Variants in KCNJ15 observed in about 807,000 individuals in gnomAD.
KCNJ15 encodes potassium inwardly rectifying channel subfamily J member 15.
A neutral mutation model predicts 23.0 loss-of-function variants in KCNJ15; 14 were observed. The observed-to-expected ratio is 0.61, with a 90% CI of 0.40 to 0.95. The LOEUF (loss-of-function observed/expected upper bound fraction) is 0.95, where lower values mean the gene tolerates loss of function less well. Among genes scored for constraint, KCNJ15 ranks in the 40% least tolerant of loss-of-function variants. The pLI is 0.00. For synonymous variants in KCNJ15, 185 were observed against 183.2 expected (o/e 1.01, Z -0.08); for missense variants, 388 against 461.8 (o/e 0.84, Z 1.46).
At chr21:38,255,250 G>A (rs971648778), upstream of KCNJ15, among the ~76,000 whole-genome samples, 2 of 152,176 alleles carry the variant, frequency 1.3e-5, no homozygotes, top group African/African-American at 4.8e-5. Flanking sequence ...AAGGCCAGAG[G>A]GGACCATTCC....
chr21:38,285,846 A>G lies in KCNJ15; in HGVS notation c.-116-11080A>G, dbSNP rs565973295. On this transcript the variant is annotated intron_variant, in intron 1 of 2. Transcript: ENST00000398938. Reference sequence around the variant, plus strand: ...ATTTATGAAAGGGAGTATTGTCTCAATTAGTACTCTAGATGAGTAAGCTTT... The same window carrying G: ...ATTTATGAAAGGGAGTATTGTCTCAGTTAGTACTCTAGATGAGTAAGCTTT... Among the ~76,000 whole-genome samples the G allele has an allele frequency of 3.3e-5, 5 of 152,332 alleles. No individual in the cohort carries two copies. In the Middle Eastern group the frequency reaches 0.01, roughly 311 times the overall value.
At chr21:38,263,221 G>A (rs541981910) in intron 1 of KCNJ15, among the ~76,000 whole-genome samples, 2 of 152,234 alleles carry the variant, frequency 1.3e-5, no homozygotes, top group South Asian at 4.1e-4. Context: ...AACTGGGGGA[G>A]AACTCTCAGA....
At chr21:38,288,261 T>A (rs1430312357) in intron 1 of KCNJ15, among the ~76,000 whole-genome samples, 3 of 151,882 alleles carry the variant, frequency 2.0e-5, no homozygotes, top group African/African-American at 7.3e-5. Flanking sequence ...CAGGATGGTC[T>A]CGATCTCCTG....
rs1284780731 is a variant in KCNJ15, at chr21:38,300,557, C to T, written c.*168C>T. The T allele has an allele frequency of 3.3e-6, 2 of 605,424 alleles. No homozygotes were observed. The highest frequency in any genetic ancestry group is 3.7e-5 in the African/African-American group (2 of 53,516). The allele number at this position is 605,424 out of a possible 1,614,324, so 37.5% of individuals were successfully genotyped here. A position where few individuals can be genotyped will look rare whatever the true frequency, so the allele number is the denominator to read the frequency against. On this transcript the variant is annotated 3_prime_UTR_variant, in exon 3 of 3. Transcript: ENST00000398938. The stretch of plus-strand genomic sequence containing the variant: ...TGATCTTGTGGCTAAACCAGCATTT[C>T]TGTGTTTGAGAGATTTCCTGTTAGG...
intron 1 of KCNJ15, among the ~76,000 whole-genome samples, chr21:38,293,418 C>A (rs1022828103): frequency 6.6e-6 from 1 of 152,166 alleles, no homozygotes; most frequent in Non-Finnish European, 1.5e-5. Context: ...CCGCTACGCC[C>A]GGGCAGGGAA....
chr21:38,293,410 G>A (rs563654853), intron 1 of KCNJ15, among the ~76,000 whole-genome samples: 8 of 152,230 alleles, frequency 5.3e-5, no homozygotes, highest in Admixed American at 1.3e-4. Context: ...CCCCACCCCC[G>A]CTACGCCCGG....
In KCNJ15 at chr21:38,304,912, CT is replaced by C. The variant is rs1279732527; in HGVS notation, c.*4524del. 6.6e-6 allele frequency: 1 copy of C among 150,900 alleles called. No individual in the cohort carries two copies. Among genetic ancestry groups the C allele is most frequent in the Non-Finnish European group, 1.5e-5 (1 of 68,056 alleles). The allele number at this position is 150,900 out of a possible 1,614,324, so 9.3% of individuals were successfully genotyped here. On this transcript the variant is annotated 3_prime_UTR_variant, in exon 3 of 3. Transcript: ENST00000398938. ...ACCAGGATGGTCTCGATCTCATGAC[CT>C]CGTGATCTGCCCGCCTACAAGCCAG...
In KCNJ15 at chr21:38,304,483, C is replaced by T. The variant is rs987210950; in HGVS notation, c.*4094C>T. The T allele has an allele frequency of 6.6e-6, 1 of 151,358 alleles. No homozygotes were observed. The highest frequency in any genetic ancestry group is 2.4e-5 in the African/African-American group (1 of 41,126). 9.4% of individuals were successfully genotyped at this position (151,358 alleles called of 1,614,324 possible). On this transcript the variant is annotated 3_prime_UTR_variant, in exon 3 of 3. Transcript: ENST00000398938. ...TACTAACATTTCCAGTCTTGATTTC[C>T]AAGTTTTGTGGTGTGCACTCGAAAT...
At chr21:38,278,227 C>T (rs1173164355) in intron 1 of KCNJ15, among the ~76,000 whole-genome samples, 3 of 152,202 alleles carry the variant, frequency 2.0e-5, no homozygotes, top group African/African-American at 7.2e-5. Context: ...CCTGCTAGAA[C>T]CTAGGCATTG....
intron 1 of KCNJ15, among the ~76,000 whole-genome samples, chr21:38,270,205 G>C (rs1200425176): frequency 2.0e-5 from 3 of 152,086 alleles, no homozygotes; most frequent in Admixed American, 6.5e-5. Flanking sequence ...AAAACCTAGT[G>C]TGTCTCTTTG....
chr21:38,289,427 T>A (rs1464987239), intron 1 of KCNJ15, among the ~76,000 whole-genome samples: 1 of 151,862 alleles, frequency 6.6e-6, no homozygotes, highest in African/African-American at 2.4e-5. Context: ...GTTGAAGAAA[T>A]CTCTTTCCTA....
upstream of KCNJ15, among the ~76,000 whole-genome samples, chr21:38,256,068 T>A (rs1183314627): frequency 2.6e-5 from 4 of 152,118 alleles, no homozygotes; most frequent in African/African-American, 9.7e-5. Flanking sequence ...CCATGCAGTC[T>A]GGCCGTGAGA....
intron 1 of KCNJ15, among the ~76,000 whole-genome samples, chr21:38,271,047 A>AG (rs35901322): frequency 3.9e-5 from 6 of 152,256 alleles, no homozygotes; most frequent in African/African-American, 1.4e-4. Flanking sequence ...GGGGAGCCCC[A>AG]GGCCAGCAGG....
At chr21:38,248,984 G>A (rs950361968) in intron 1 of KCNJ15, among the ~76,000 whole-genome samples, 4 of 152,228 alleles carry the variant, frequency 2.6e-5, no homozygotes, top group East Asian at 1.9e-4. Flanking sequence ...AAGTCAATCC[G>A]CTTGCCTCAG....
At chr21:38,273,708 C>G (rs1982337132) in intron 1 of KCNJ15, among the ~76,000 whole-genome samples, 1 of 152,226 alleles carries the variant, frequency 6.6e-6, no homozygotes, top group South Asian at 2.1e-4. Flanking sequence ...AGTAGCTCTG[C>G]AGCTGCATTT....
rs1440690327 is a variant in KCNJ15, at chr21:38,300,481, G to A, written c.*92G>A. 10 of 1,112,186 alleles carry A rather than the reference G, an allele frequency of 9.0e-6. No individual in the cohort carries two copies. Among genetic ancestry groups the A allele is most frequent in the Non-Finnish European group, 1.3e-5 (10 of 774,940 alleles). The allele number at this position is 1,112,186 out of a possible 1,614,324, so 68.9% of individuals were successfully genotyped here. A position where few individuals can be genotyped will look rare whatever the true frequency, so the allele number is the denominator to read the frequency against. On this transcript the variant is annotated 3_prime_UTR_variant, in exon 3 of 3. Coordinates refer to ENST00000398938, the MANE Select transcript of KCNJ15 (RefSeq NM_170736.3). ...AAGATTGCTGTGAAAACGAAAATGTGTAGACGCACTCTCAAAAACTGCACG... is the reference window on the plus strand; with the variant it reads ...AAGATTGCTGTGAAAACGAAAATGTATAGACGCACTCTCAAAAACTGCACG...
In KCNJ15 at chr21:38,265,653, G is replaced by A. The variant is rs559974032; in HGVS notation, c.-117+8468G>A. ...GAGGCTGGGTGGTCCGTCTTATGTC[G>A]ATTTAGAAGATATAAGTGACATCAA... is the stretch of plus-strand genomic sequence containing the variant. On this transcript the variant is annotated intron_variant, in intron 1 of 2. Transcript: ENST00000398938. Among the ~76,000 whole-genome samples the A allele has an allele frequency of 2.6e-5, 4 of 152,308 alleles. No homozygotes were observed. The South Asian group carries it at 8.3e-4, about 32-fold the overall frequency.
chr21:38,254,495 G>A (rs549844706), upstream of KCNJ15, among the ~76,000 whole-genome samples: 1 of 152,246 alleles, frequency 6.6e-6, no homozygotes, highest in Non-Finnish European at 1.5e-5. Flanking sequence ...ATGAGTATCT[G>A]CTCCACTGTG....
Position 38,299,690 on chromosome 21 carries a change from CT to C in KCNJ15, c.431del (p.Phe144SerfsTer12). 6.2e-7 allele frequency: 1 copy of C among 1,614,148 alleles called. No individual in the cohort carries two copies. The highest frequency in any genetic ancestry group is 8.5e-7 in the Non-Finnish European group (1 of 1,180,008). On this transcript the variant is annotated frameshift_variant, in exon 3 of 3. Transcript: ENST00000398938. LOFTEE classifies it high-confidence loss of function. This position sits in a 1 kb window ranked among gnomAD's most constrained non-coding sequence, Gnocchi z 4.5. ...SITEECPHAI[F>X]LLVAQLVITT... ...TCACAGAGGAATGTCCTCATGCCAT[CT>C]TCCTGTTGGTTGCTCAGTTGGTCAT...
Sources: gnomAD v4.1 joint callset for allele counts (sites outside exome capture counted in the v4.1 genomes callset) on GRCh38, gnomAD v4.1.1 for gene constraint, Gnocchi (gnomAD v3.1) non-coding constraint, MANE v1.5 for transcripts, NCBI Gene and HGNC (gene_info 2026-07-23, HGNC 2026-07-21) for gene names.